Variants in SEC24B observed in about 807,000 individuals in gnomAD.
SEC24B encodes the protein protein transport protein Sec24B.
SEC24B carries 45 observed loss-of-function variants against 142.8 expected under a neutral mutation model. The observed-to-expected ratio is 0.32, with a 90% CI of 0.25 to 0.40. The LOEUF is 0.40. SEC24B is among the 10% of genes least tolerant of loss of function. The pLI is 1.00. For missense variants in SEC24B, 1,409 were observed against 1,526.8 expected, an observed-to-expected ratio of 0.92 and a Z score of 1.29; for synonymous variants, 574 against 568.2, an observed-to-expected ratio of 1.01 and a Z score of -0.15.
intron 10 of SEC24B, among the ~76,000 whole-genome samples, chr4:109,514,534 A>T (rs1737717458): frequency 6.6e-6 from 1 of 152,172 alleles, no homozygotes; most frequent in Admixed American, 6.5e-5. Context: ...CCCTGTCTCT[A>T]CTTAAAATAC....
At chr4:109,533,816 C>T in intron 22 of SEC24B, 131 bp downstream of exon 22, 3 of 663,528 alleles carry the variant, frequency 4.5e-6, no homozygotes, top group Non-Finnish European at 7.9e-6. Flanking sequence ...GTTTTACAGC[C>T]ATTACCACTA....
intron 1 of SEC24B, among the ~76,000 whole-genome samples, chr4:109,438,753 T>C (rs1578741986): frequency 6.6e-6 from 1 of 152,242 alleles, no homozygotes; most frequent in Non-Finnish European, 1.5e-5. Context: ...TATTCGAAGA[T>C]ACAGCTTGAC....
At chr4:109,462,869 T>G in intron 1 of SEC24B, 32 bp from the exon 2 acceptor site, 1 of 1,491,128 alleles carries the variant, frequency 6.7e-7, no homozygotes. Context: ...AGTTATCTCT[T>G]TACAAATACC....
intron 4 of SEC24B, among the ~76,000 whole-genome samples, chr4:109,489,607 A>G (rs1436491190): frequency 1.4e-5 from 2 of 143,662 alleles, no homozygotes; most frequent in Admixed American, 1.4e-4. Context: ...ATAGAATTAT[A>G]TATATTATAT....
chr4:109,522,351 AG>A (rs1309667268), intron 14 of SEC24B, among the ~76,000 whole-genome samples: 1 of 152,194 alleles, frequency 6.6e-6, no homozygotes, highest in African/African-American at 2.4e-5. Flanking sequence ...GTGCCCGGCG[AG>A]AGTTTTTAAC....
chr4:109,515,528 ATGTTGCTCAGACT>A (rs1329716935), intron 10 of SEC24B, among the ~76,000 whole-genome samples: 4 of 152,254 alleles, frequency 2.6e-5, no homozygotes, highest in Admixed American at 2.6e-4. Flanking sequence ...AGGTTTTACC[ATGTTGCTCAGACT>A]GGTCTCAAAC....
chr4:109,487,096 CAG>C (rs1178340999), intron 4 of SEC24B, among the ~76,000 whole-genome samples: 4 of 143,876 alleles, frequency 2.8e-5, no homozygotes, highest in Non-Finnish European at 4.5e-5. Context: ...ACCCGGGAGA[CAG>C]AGGTTGCAGT....
chr4:109,496,050 T>C (rs1442607049), intron 6 of SEC24B, among the ~76,000 whole-genome samples: 1 of 152,110 alleles, frequency 6.6e-6, no homozygotes, highest in East Asian at 1.9e-4. Flanking sequence ...TACAGTTAAA[T>C]ACTTAACAGG....
chr4:109,489,572 C>T (rs958315940), intron 4 of SEC24B, among the ~76,000 whole-genome samples: 5 of 121,172 alleles, frequency 4.1e-5, no homozygotes, highest in African/African-American at 1.7e-4. Context: ...TTTTCCCCTC[C>T]CCTCAGCCTG....
At chr4:109,447,066 G>T (rs1051789003) in intron 1 of SEC24B, among the ~76,000 whole-genome samples, 2 of 151,984 alleles carry the variant, frequency 1.3e-5, no homozygotes, top group African/African-American at 4.8e-5. Context: ...TAGGATTAGA[G>T]AATGTTTTCC....
At chr4:109,479,620 A>T (rs34660885) in intron 3 of SEC24B, among the ~76,000 whole-genome samples, 11,821 of 152,004 alleles carry the variant, frequency 0.078, 588 homozygotes, top group Middle Eastern at 0.18. Flanking sequence ...CTTTTTACAG[A>T]GATGGGGTCT....
intron 22 of SEC24B, among the ~76,000 whole-genome samples, chr4:109,536,943 A>C (rs977119327): frequency 1.3e-5 from 2 of 151,538 alleles, no homozygotes; most frequent in African/African-American, 4.8e-5. Context: ...GGTAACAATA[A>C]ATAAATAAAT....
At chr4:109,487,852 CAA>C (rs1429670284) in intron 4 of SEC24B, among the ~76,000 whole-genome samples, 1 of 151,748 alleles carries the variant, frequency 6.6e-6, no homozygotes, top group East Asian at 1.9e-4. Flanking sequence ...ATTCAGTAAA[CAA>C]AATAGAATAA....
intron 3 of SEC24B, among the ~76,000 whole-genome samples, chr4:109,476,526 A>C (rs1733157416): frequency 8.0e-6 from 1 of 125,486 alleles, no homozygotes; most frequent in African/African-American, 6.0e-5. Flanking sequence ...ATTGCTGAGA[A>C]ACATTGTTCA....
At chr4:109,479,888 C>G (rs1219037230) in intron 3 of SEC24B, among the ~76,000 whole-genome samples, 3 of 151,832 alleles carry the variant, frequency 2.0e-5, no homozygotes, top group African/African-American at 7.3e-5. Flanking sequence ...TTGTGCTTGG[C>G]TCAAATATTC....
In SEC24B at chr4:109,445,967, CTTT is replaced by C. The variant is rs34601695; in HGVS notation, c.133+11980_133+11982del. 6.4e-3 allele frequency among the ~76,000 whole-genome samples: 838 copies of C among 130,938 alleles called. 6 individuals carry two copies. The highest frequency in any genetic ancestry group is 0.022 in the African/African-American group (787 of 36,078). The allele number at this position is 130,938 out of a possible 152,430, so 85.9% of individuals were successfully genotyped here. On this transcript the variant is annotated intron_variant, in intron 1 of 23. Coordinates refer to ENST00000265175, the MANE Select transcript of SEC24B (RefSeq NM_006323.5). ...AATCAAATTAATTTATTCTAAGATGCTTTTTTTTTTTTTTTTTACATTTTTTAC... is the reference window on the plus strand; with the variant it reads ...AATCAAATTAATTTATTCTAAGATGCTTTTTTTTTTTTTTACATTTTTTAC...
intron 6 of SEC24B, among the ~76,000 whole-genome samples, chr4:109,498,412 C>A (rs1341107180): frequency 6.6e-6 from 1 of 152,140 alleles, no homozygotes; most frequent in Non-Finnish European, 1.5e-5. Context: ...GGCTGGAGTT[C>A]ATTGGCGCAA....
chr4:109,527,501 C>A, intron 18 of SEC24B, 69 bp downstream of exon 18: 1 of 1,135,838 alleles, frequency 8.8e-7, no homozygotes, highest in Non-Finnish European at 1.3e-6. Context: ...TGGCTGGTGG[C>A]AGTGCGTCCG....
chr4:109,434,370 G>C (rs2125883149), intron 1 of SEC24B, among the ~76,000 whole-genome samples: 1 of 152,262 alleles, frequency 6.6e-6, no homozygotes, highest in East Asian at 1.9e-4. Context: ...GCCTGGACGC[G>C]GGCGAGTTGC....
Sources: allele counts gnomAD v4.1 joint callset (sites outside exome capture counted in the v4.1 genomes callset), GRCh38; gene constraint gnomAD v4.1.1; transcripts MANE v1.5; gene names NCBI Gene and HGNC (gene_info 2026-07-23, HGNC 2026-07-21).